PRIM2: variants seen among roughly 807,000 people sequenced by gnomAD.
PRIM2 encodes the protein DNA primase large subunit.
In PRIM2, 39 loss-of-function variants were observed where a neutral mutation model predicts 67.3. The observed-to-expected ratio is 0.58, with a 90% CI of 0.45 to 0.76. The LOEUF (loss-of-function observed/expected upper bound fraction) is 0.76, where lower values mean the gene tolerates loss of function less well. Ranked by LOEUF, PRIM2 falls within the 30% of genes least tolerant of loss-of-function variation. The pLI, the probability that PRIM2 is intolerant of heterozygous loss-of-function variation, is 0.00. For synonymous variants in PRIM2, 143 were observed against 198.7 expected (o/e 0.72, Z 2.36); for missense variants, 398 against 598.7 (o/e 0.66, Z 3.50).
the PRIM2 span, among the ~76,000 whole-genome samples, chr6:57,275,321 A>G: frequency 6.6e-6 from 1 of 152,196 alleles, no homozygotes; most frequent in Non-Finnish European, 1.5e-5. Context: ...CCCTGTCTCT[A>G]CTAAAAATAC....
At chr6:57,497,265 G>C (rs1189112401) in intron 7 of PRIM2, among the ~76,000 whole-genome samples, 1 of 152,170 alleles carries the variant, frequency 6.6e-6, no homozygotes, top group Non-Finnish European at 1.5e-5. Context: ...AACAGTTTGA[G>C]AGGCCTTGAG....
At chr6:57,355,591 T>C (rs1769006160) in intron 5 of PRIM2, among the ~76,000 whole-genome samples, 1 of 152,144 alleles carries the variant, frequency 6.6e-6, no homozygotes, top group African/African-American at 2.4e-5. Flanking sequence ...ACTGGTCAAG[T>C]GTGTCTGTGG....
At chr6:57,258,953 A>G in the PRIM2 span, among the ~76,000 whole-genome samples, 3 of 152,186 alleles carry the variant, frequency 2.0e-5, no homozygotes, top group Admixed American at 1.3e-4. Flanking sequence ...TTCTAGTTAT[A>G]GGATTTTTGC....
rs34636141 is a variant in PRIM2 at position 57,357,596 on chromosome 6, C to CTT, written c.460-22290_460-22289dup. Among the ~76,000 whole-genome samples, 491 of 136,866 alleles carry CTT rather than the reference C, an allele frequency of 3.6e-3. 6 individuals carry two copies. The highest frequency in any genetic ancestry group is 0.012 in the African/African-American group (457 of 37,336). The allele number at this position is 136,866 out of a possible 152,430, so 89.8% of individuals were successfully genotyped here. On this transcript the variant is annotated intron_variant, in intron 5 of 13. Transcript: ENST00000615550. Reference sequence around the variant, plus strand: ...TAGCGTAGAAACCCATCCTCTGTGGCTTTTTTTTTTTTTTTTGAGACAGTT... The same window carrying CTT: ...TAGCGTAGAAACCCATCCTCTGTGGCTTTTTTTTTTTTTTTTTTGAGACAGTT...
the PRIM2 span, among the ~76,000 whole-genome samples, chr6:57,251,951 C>T: frequency 4.6e-5 from 7 of 152,182 alleles, no homozygotes; most frequent in Admixed American, 4.6e-4. Flanking sequence ...TGAATTCCTG[C>T]ATGGCTTGAT....
intron 12 of PRIM2, among the ~76,000 whole-genome samples, chr6:57,610,162 G>A (rs1191430620): frequency 3.9e-5 from 6 of 152,030 alleles, no homozygotes; most frequent in South Asian, 2.1e-4. Flanking sequence ...TCCACCTGCC[G>A]GCTTCAAGTG....
intron 11 of PRIM2, among the ~76,000 whole-genome samples, chr6:57,605,740 G>A (rs1369050219): frequency 7.2e-5 from 11 of 152,016 alleles, no homozygotes; most frequent in Non-Finnish European, 1.5e-4. Context: ...TCTTATTTAT[G>A]TGAATATTTC....
chr6:57,442,237 CTGTT>C (rs1473051711), intron 7 of PRIM2, among the ~76,000 whole-genome samples: 4 of 152,176 alleles, frequency 2.6e-5, no homozygotes, highest in African/African-American at 7.2e-5. Context: ...CTTAGGGCCT[CTGTT>C]TGTCCCACAA....
At chr6:57,517,355 T>G (rs1554348380) in intron 8 of PRIM2, among the ~76,000 whole-genome samples, 67 of 152,216 alleles carry the variant, frequency 4.4e-4, no homozygotes, top group African/African-American at 1.6e-3. Context: ...TGGCAGTATT[T>G]GTGATATATT....
chr6:57,529,319 A>C (rs1249663953), intron 8 of PRIM2, among the ~76,000 whole-genome samples: 1 of 152,116 alleles, frequency 6.6e-6, no homozygotes, highest in Non-Finnish European at 1.5e-5. Flanking sequence ...GTCTCAAAAA[A>C]AAAAAACAAA....
intron 13 of PRIM2, among the ~76,000 whole-genome samples, chr6:57,644,024 A>T (rs1426372640): frequency 6.6e-6 from 1 of 152,140 alleles, no homozygotes; most frequent in Non-Finnish European, 1.5e-5. Flanking sequence ...TGGCCAATTC[A>T]TTTTAATCTA....
At chr6:57,563,702 T>G (rs1775683186) in intron 10 of PRIM2, among the ~76,000 whole-genome samples, 1 of 152,212 alleles carries the variant, frequency 6.6e-6, no homozygotes, top group Non-Finnish European at 1.5e-5. Flanking sequence ...AGTGCAGTGG[T>G]GCGATCTTCG....
chr6:57,244,378 T>G, the PRIM2 span, among the ~76,000 whole-genome samples: 1 of 152,192 alleles, frequency 6.6e-6, no homozygotes, highest in East Asian at 1.9e-4. Flanking sequence ...TTTGTTCACA[T>G]AAGAAAAAAT....
At chr6:57,593,719 T>C (rs1256697118) in intron 10 of PRIM2, among the ~76,000 whole-genome samples, 1 of 152,262 alleles carries the variant, frequency 6.6e-6, no homozygotes, top group Non-Finnish European at 1.5e-5. Flanking sequence ...TTTGTTGAAT[T>C]TGTAAATTTG....
At chr6:57,397,800 T>C (rs1770568074) in intron 7 of PRIM2, among the ~76,000 whole-genome samples, 1 of 152,022 alleles carries the variant, frequency 6.6e-6, no homozygotes. Flanking sequence ...CTGATTTTGG[T>C]GATTTCTTGT....
At chr6:57,226,873 G>C in the PRIM2 span, among the ~76,000 whole-genome samples, 1 of 152,184 alleles carries the variant, frequency 6.6e-6, no homozygotes, top group African/African-American at 2.4e-5. Context: ...CAGGTTTCTT[G>C]AATGACTGCC....
At chr6:57,591,024 T>A (rs1276864854) in intron 10 of PRIM2, among the ~76,000 whole-genome samples, 1 of 152,162 alleles carries the variant, frequency 6.6e-6, no homozygotes, top group Non-Finnish European at 1.5e-5. Context: ...CTGGACTCCT[T>A]GGGGCCTCCA....
At chr6:57,465,478 C>T (rs556329984) in intron 7 of PRIM2, among the ~76,000 whole-genome samples, 3 of 152,148 alleles carry the variant, frequency 2.0e-5, no homozygotes, top group Non-Finnish European at 2.9e-5. Context: ...GGTTTCTTCA[C>T]GGAACCTGTT....
intron 10 of PRIM2, among the ~76,000 whole-genome samples, chr6:57,551,202 G>C (rs1271042478): frequency 6.6e-6 from 1 of 152,166 alleles, no homozygotes; most frequent in Admixed American, 6.5e-5. Flanking sequence ...AGTTTAAACT[G>C]TTGTGGGGAC....
Sources: gnomAD v4.1 joint callset for allele counts (sites outside exome capture counted in the v4.1 genomes callset) on GRCh38, gnomAD v4.1.1 for gene constraint, MANE v1.5 for transcripts, NCBI Gene and HGNC (gene_info 2026-07-23, HGNC 2026-07-21) for gene names.